MAP4K5: variants seen among roughly 807,000 people sequenced by gnomAD.
MAP4K5 encodes MAPK/ERK kinase kinase kinase 5.
MAP4K5 carries 82 observed loss-of-function variants against 135.6 expected under a neutral mutation model. The ratio of observed to expected loss-of-function variants is 0.60; its 90% CI spans 0.51 to 0.73. The LOEUF is 0.73. MAP4K5 is among the 30% of genes least tolerant of loss of function. The probability of loss-of-function intolerance (pLI) is 0.00; values close to 1 mark genes in which losing one functional copy is unlikely to be tolerated. For synonymous variants in MAP4K5, 347 were observed against 335.0 expected (o/e 1.04, Z -0.39); for missense variants, 907 against 1,010.9 (o/e 0.90, Z 1.39).
chr14:50,450,950 C>G (rs905254320), intron 14 of MAP4K5, among the ~76,000 whole-genome samples: 2 of 152,060 alleles, frequency 1.3e-5, no homozygotes, highest in Non-Finnish European at 2.9e-5. Flanking sequence ...ATTAGTAAAA[C>G]CAGACCCAGA....
chr14:50,508,780 G>C (rs919943615), intron 2 of MAP4K5, among the ~76,000 whole-genome samples: 14 of 152,122 alleles, frequency 9.2e-5, no homozygotes, highest in Non-Finnish European at 1.5e-4. Flanking sequence ...GACACTGTTG[G>C]TGGGAGTGTA....
At position 50,438,097 on chromosome 14, in the gene MAP4K5, A is replaced by C. The variant is rs1202926427; in HGVS notation, c.1706-3T>G. The C allele has an allele frequency of 3.7e-6, 3 of 811,320 alleles. No individual in the cohort carries two copies. In the African/African-American group the frequency reaches 5.0e-5, roughly 14 times the overall value. The allele number at this position is 811,320 out of a possible 1,614,324, so 50.3% of individuals were successfully genotyped here. On this transcript the variant is annotated splice_polypyrimidine_tract_variant and splice_region_variant and intron_variant, in intron 23 of 32. Transcript: ENST00000682126. Reference sequence around the variant, plus strand: ...GAAAAAGAAAACGTAATTACCTTCTAAAACGAGAGTCCAGTAATGTTCAAA... The same window carrying C: ...GAAAAAGAAAACGTAATTACCTTCTCAAACGAGAGTCCAGTAATGTTCAAA...
chr14:50,553,869 T>C (rs1424796819), intron 1 of MAP4K5, among the ~76,000 whole-genome samples: 2 of 152,110 alleles, frequency 1.3e-5, no homozygotes, highest in African/African-American at 2.4e-5. Context: ...CCAAATATTG[T>C]ATGTTCTCAC....
At chr14:50,454,605 T>TA (rs2036560034) in intron 14 of MAP4K5, among the ~76,000 whole-genome samples, 1 of 152,138 alleles carries the variant, frequency 6.6e-6, no homozygotes, top group Admixed American at 6.6e-5. Flanking sequence ...CCTTCTACTC[T>TA]ACCGCTTTGT....
chr14:50,509,319 C>T (rs149973670), intron 2 of MAP4K5, among the ~76,000 whole-genome samples: 145 of 152,078 alleles, frequency 9.5e-4, no homozygotes, highest in Non-Finnish European at 1.5e-3. Context: ...TTTCAGAATT[C>T]GAGAATTCTC....
At chr14:50,480,124 T>A (rs961145132) in intron 6 of MAP4K5, among the ~76,000 whole-genome samples, 16 of 152,274 alleles carry the variant, frequency 1.1e-4, no homozygotes, top group African/African-American at 3.6e-4. Context: ...TTGGAAATAA[T>A]CTTGGAGGTA....
In MAP4K5 at chr14:50,464,034, G is replaced by A. The variant is rs780781254; in HGVS notation, c.819+18C>T. ...ATTTATGACTATAGGAAGACCCCTCGTAATTTCAATGACTTACAGTCAGAA... is the reference window on the plus strand; with the variant it reads ...ATTTATGACTATAGGAAGACCCCTCATAATTTCAATGACTTACAGTCAGAA... On this transcript the variant is annotated intron_variant, in intron 12 of 32. Transcript: ENST00000682126. 1.2e-5 allele frequency: 17 copies of A among 1,447,610 alleles called. No individual in the cohort carries two copies. The highest frequency in any genetic ancestry group is 5.0e-5 in the East Asian group (2 of 40,394). The allele number at this position is 1,447,610 out of a possible 1,614,324, so 89.7% of individuals were successfully genotyped here. A position where few individuals can be genotyped will look rare whatever the true frequency, so the allele number is the denominator to read the frequency against.
chr14:50,432,796 C>G (rs1457929048), intron 28 of MAP4K5, among the ~76,000 whole-genome samples: 1 of 151,498 alleles, frequency 6.6e-6, no homozygotes, highest in Admixed American at 6.6e-5. Flanking sequence ...ATAAACTGAT[C>G]CATAACCTTT....
chr14:50,470,203 T>G (rs1394168500), intron 9 of MAP4K5, among the ~76,000 whole-genome samples: 2 of 152,178 alleles, frequency 1.3e-5, no homozygotes, highest in Non-Finnish European at 2.9e-5. Context: ...CTGTTGCACT[T>G]CCTGGCTCAG....
At chr14:50,477,693 T>C (rs186337924) in intron 6 of MAP4K5, among the ~76,000 whole-genome samples, 3 of 152,310 alleles carry the variant, frequency 2.0e-5, no homozygotes, top group East Asian at 1.9e-4. Context: ...GGAATGAATG[T>C]TGGATTTTGC....
intron 11 of MAP4K5, among the ~76,000 whole-genome samples, chr14:50,465,903 A>G (rs1319995118): frequency 1.3e-5 from 2 of 152,108 alleles, no homozygotes; most frequent in African/African-American, 4.8e-5. Context: ...TGGTGAAACC[A>G]TCTCTACTAA....
Position 50,531,931 on chromosome 14 carries a change from G to C in MAP4K5, c.108+11C>G. The C allele has an allele frequency of 1.3e-6, 2 of 1,570,180 alleles. No individual in the cohort carries two copies. Among genetic ancestry groups the C allele is most frequent in the South Asian group, 2.3e-5 (2 of 86,586 alleles). On this transcript the variant is annotated intron_variant, in intron 2 of 32. Transcript: ENST00000682126. ...CGACCGCAGGAAAAAAGCACGGCCAGCCTCACTTACCTTATAGACGTCCCC... is the reference window on the plus strand; with the variant it reads ...CGACCGCAGGAAAAAAGCACGGCCACCCTCACTTACCTTATAGACGTCCCC...
chr14:50,442,787 A>G lies in MAP4K5; in HGVS notation c.1509T>C (p.Asp503=). The G allele has an allele frequency of 6.3e-7, 1 of 1,598,444 alleles. No individual in the cohort carries two copies. Among genetic ancestry groups the G allele is most frequent in the Non-Finnish European group, 8.5e-7 (1 of 1,172,954 alleles). ...CACAATTAATTTTCAAAGGACAGCC[A>G]TCAAAAACTTTTGAAAAGCATGCTC... ...LMGACFSKVF[D]GCPLKINCAT... is the part of the protein sequence containing the mutation. The change falls in exon 21 of 33, where the codon GAT becomes GAC. Residue 503 remains aspartate (D), a synonymous_variant. Transcript: ENST00000682126.
Position 50,420,007 on chromosome 14 carries a change from A to C in MAP4K5, c.*12T>G. ...ATTCATTTTCCTGTCATTTGAGATC[A>C]GTTTCTGTTGCTTAGTAACTATTTT... On this transcript the variant is annotated 3_prime_UTR_variant, in exon 33 of 33. Transcript: ENST00000682126. 6.4e-7 allele frequency: 1 copy of C among 1,568,578 alleles called. No individual in the cohort carries two copies. The highest frequency in any genetic ancestry group is 8.7e-7 in the Non-Finnish European group (1 of 1,144,164).
chr14:50,463,535 G>A (rs577585177), intron 12 of MAP4K5, among the ~76,000 whole-genome samples: 1 of 152,176 alleles, frequency 6.6e-6, no homozygotes, highest in South Asian at 2.1e-4. Flanking sequence ...CAGTAGTTGT[G>A]GCAGAGGCTG....
At chr14:50,422,324 C>T (rs2139608101) in intron 32 of MAP4K5, among the ~76,000 whole-genome samples, 1 of 152,046 alleles carries the variant, frequency 6.6e-6, no homozygotes, top group African/African-American at 2.4e-5. Flanking sequence ...TTTGAAAATT[C>T]CTGTTCTCCT....
intron 31 of MAP4K5, among the ~76,000 whole-genome samples, chr14:50,424,161 A>G (rs962316177): frequency 2.0e-5 from 3 of 148,078 alleles, no homozygotes; most frequent in African/African-American, 7.7e-5. Context: ...GTAGATATAA[A>G]GTAAGTTAAA....
chr14:50,442,084 T>C (rs2036242040), intron 21 of MAP4K5, among the ~76,000 whole-genome samples: 1 of 152,160 alleles, frequency 6.6e-6, no homozygotes, highest in African/African-American at 2.4e-5. Context: ...CCCAGATTTA[T>C]TTGATTCCAA....
In MAP4K5 at chr14:50,507,676, C is replaced by T. The variant is rs531101607; in HGVS notation, c.109-2819G>A. Among the ~76,000 whole-genome samples the T allele has an allele frequency of 1.5e-3, 236 of 152,270 alleles. 1 individual carries two copies. Among genetic ancestry groups the T allele is most frequent in the African/African-American group, 5.4e-3 (226 of 41,540 alleles). On this transcript the variant is annotated intron_variant, in intron 2 of 32. Coordinates refer to ENST00000682126, the MANE Select transcript of MAP4K5 (RefSeq NM_006575.6). ...AGCAGTTTTGAGTGAGTTTCTTAAT[C>T]CTGAGTTCTAGTTTGATTGCACTGT...
Sources: allele counts gnomAD v4.1 joint callset (sites outside exome capture counted in the v4.1 genomes callset), GRCh38; gene constraint gnomAD v4.1.1; transcripts MANE v1.5; gene names NCBI Gene and HGNC (gene_info 2026-07-23, HGNC 2026-07-21).